PER2: variants seen among roughly 807,000 people sequenced by gnomAD.
The protein encoded by PER2 is period circadian protein homolog 2.
A neutral mutation model predicts 121.0 loss-of-function variants in PER2; 66 were observed. That is an observed-to-expected ratio of 0.55 (90% CI 0.45 to 0.67). PER2 has a LOEUF of 0.67. Ranked by LOEUF, PER2 falls within the 30% of genes least tolerant of loss-of-function variation. The pLI is 0.00. For synonymous variants in PER2, 684 were observed against 659.9 expected (o/e 1.04, Z -0.56); for missense variants, 1,521 against 1,635.0 (o/e 0.93, Z 1.20).
the PER2 span, among the ~76,000 whole-genome samples, chr2:238,297,167 A>G: frequency 2.0e-5 from 3 of 152,134 alleles, no homozygotes; most frequent in African/African-American, 7.2e-5. Flanking sequence ...CACCCCGCAC[A>G]TCCACCCCCC....
At chr2:238,293,604 A>T (rs1335152776), upstream of PER2, among the ~76,000 whole-genome samples, 1 of 151,942 alleles carries the variant, frequency 6.6e-6, no homozygotes, top group Non-Finnish European at 1.5e-5. Context: ...GCGTGGTGGC[A>T]CATGTCTATA....
chr2:238,285,994 G>A (rs1696771576), intron 1 of PER2, among the ~76,000 whole-genome samples: 1 of 152,156 alleles, frequency 6.6e-6, no homozygotes, highest in Non-Finnish European at 1.5e-5. Flanking sequence ...GGGTAACTGA[G>A]GAAAATGTGA....
In PER2 at chr2:238,246,436, G is replaced by A. The variant is rs73088906; in HGVS notation, c.3707C>T (p.Ser1236Leu). The A allele has an allele frequency of 2.5e-4, 407 of 1,611,432 alleles. 2 individuals carry two copies. In the African/African-American group the frequency reaches 4.9e-3, roughly 19 times the overall value. The change falls in exon 23 of 23, where the codon TCG (serine) becomes TTG (leucine). Residue 1236 changes from serine to leucine, a missense_variant. Transcript: ENST00000254657. ...TCCATTTTCGTCTTCTTTGGTGTCC[G>A]ACACTTCGCTGAGTCCCAGAGAAGG... ...DIPSLGLSEVSDTKEDENGSP... is the reference protein window; with the variant it reads ...DIPSLGLSEVLDTKEDENGSP...
At chr2:238,260,732 CCCT>C (rs1695900221) in intron 13 of PER2, 93 bp downstream of exon 13, 2 of 1,367,888 alleles carry the variant, frequency 1.5e-6, no homozygotes, top group Admixed American at 1.7e-5. Context: ...ATCAGGAAGC[CCCT>C]CCTAACTGCC....
intron 4 of PER2, 133 bp downstream of exon 4, chr2:238,275,610 G>A (rs1696427642): frequency 4.1e-6 from 4 of 972,038 alleles, no homozygotes; most frequent in Non-Finnish European, 4.9e-6. Context: ...AATCGCTTAA[G>A]CCCAGAAGTC....
intron 16 of PER2, 39 bp downstream of exon 16, chr2:238,258,237 A>G: frequency 6.2e-7 from 1 of 1,611,146 alleles, no homozygotes; most frequent in Non-Finnish European, 8.5e-7. Flanking sequence ...GAGGATTTAC[A>G]TTATTTCACA....
chr2:238,250,852 T>C (rs767987120), intron 20 of PER2, 109 bp from the exon 21 acceptor site: 2 of 758,944 alleles, frequency 2.6e-6, no homozygotes, highest in East Asian at 2.6e-5. Flanking sequence ...AGTGCCTTCT[T>C]AGGTATTGGG....
chr2:238,260,339 C>T (rs958956903), intron 13 of PER2, among the ~76,000 whole-genome samples: 4 of 151,972 alleles, frequency 2.6e-5, no homozygotes, highest in Admixed American at 2.0e-4. Context: ...TCTCTGCAAC[C>T]TCTGCCTCCC....
In PER2 at chr2:238,244,275, GTT is replaced by G. The variant is rs1475884629; in HGVS notation, c.*2098_*2099del. The G allele has an allele frequency of 6.6e-6, 1 of 152,544 alleles. No individual in the cohort carries two copies. The highest frequency in any genetic ancestry group is 1.5e-5 in the Non-Finnish European group (1 of 68,020). The allele number at this position is 152,544 out of a possible 1,614,324, so 9.4% of individuals were successfully genotyped here. On this transcript the variant is annotated 3_prime_UTR_variant, in exon 23 of 23. Transcript: ENST00000254657. ...GCTCAGTTTAAAATAGAGAAAAACT[GTT>G]TAACACCTGTGTAAGCACACACACT...
chr2:238,256,992 C>T lies in PER2; in HGVS notation c.1995G>A (p.Ser665=), dbSNP rs2304671. 90,987 of 1,613,494 alleles carry T rather than the reference C, an allele frequency of 0.056. 3,098 individuals are homozygous for T. Among genetic ancestry groups the T allele is most frequent in the South Asian group, 0.11 (10,357 of 91,056 alleles). Residue 665 remains serine (S), a synonymous_variant, in exon 17 of 23, where the codon TCG becomes TCA. Coordinates refer to ENST00000254657, the MANE Select transcript of PER2 (RefSeq NM_022817.3). The part of the protein sequence containing the change: ...ALPGKAESVA[S]LTSQCSYSST... ...TGCTGTAGCTGCACTGGCTGGTGAG[C>T]GACGCCACACTCTCTGCCTTGCCCG...
intron 11 of PER2, 51 bp downstream of exon 11, chr2:238,262,140 G>A (rs745850241): frequency 8.9e-6 from 14 of 1,575,434 alleles, no homozygotes; most frequent in Middle Eastern, 2.2e-4. Flanking sequence ...AGGACAGCCC[G>A]AGACCCCCGC....
At position 238,253,482 on chromosome 2, in the gene PER2, G is replaced by C. The variant is rs199663909; in HGVS notation, c.2541C>G (p.Pro847=). ...SQSSCPAVPF[P]APVPAAYSLP... is the part of the protein sequence containing the mutation. Reference sequence around the variant, plus strand: ...GTGAATAAGCTGCTGGCACTGGGGCGGGAAAGGGCACGGCTGGGCAGCTGG... The same window carrying C: ...GTGAATAAGCTGCTGGCACTGGGGCCGGAAAGGGCACGGCTGGGCAGCTGG... Residue 847 remains proline, a synonymous_variant, in exon 19 of 23, where the codon CCC becomes CCG. Coordinates refer to ENST00000254657, the MANE Select transcript of PER2 (RefSeq NM_022817.3). This position sits in a 1 kb window ranked among gnomAD's most constrained non-coding sequence, Gnocchi z 5.6. The C allele has an allele frequency of 3.1e-5, 50 of 1,612,808 alleles. No homozygotes were observed. Among genetic ancestry groups the C allele is most frequent in the Non-Finnish European group, 4.2e-5 (50 of 1,179,554 alleles).
At position 238,245,056 on chromosome 2, in the gene PER2, A is replaced by AAAAG. The variant is rs1695409736; in HGVS notation, c.*1318_*1319insCTTT. The AAAAG allele has an allele frequency of 6.7e-6, 1 of 150,326 alleles. No individual in the cohort carries two copies. Among genetic ancestry groups the AAAAG allele is most frequent in the Non-Finnish European group, 1.5e-5 (1 of 67,638 alleles). The allele number at this position is 150,326 out of a possible 1,614,324, so 9.3% of individuals were successfully genotyped here. ...GAAACTCCATCTAAAAAAAAAAAAAAAAAAAAAAAAAAAAGAAAACCCTGG... is the reference window on the plus strand; with the variant it reads ...GAAACTCCATCTAAAAAAAAAAAAAAAAAGAAAAAAAAAAAAAAGAAAACCCTGG... On this transcript the variant is annotated 3_prime_UTR_variant, in exon 23 of 23. Coordinates refer to ENST00000254657, the MANE Select transcript of PER2 (RefSeq NM_022817.3).
chr2:238,253,147 G>A lies in PER2; in HGVS notation c.2876C>T (p.Pro959Leu), dbSNP rs1294676384. The part of the protein sequence containing the change: ...FPSRTSIPRQ[P>L]CACPATRATP... ...GGCCCGGGTGGCTGGACAAGCACAT[G>A]GCTGTCTGGGGATCGAGGTCCGGCT... The change falls in exon 19 of 23, where the codon CCA (proline) becomes CTA (leucine). Residue 959 changes from proline to leucine, a missense_variant. By Grantham distance (98) the Pro-to-Leu change is moderately conservative. Transcript: ENST00000254657. This position sits in a 1 kb window ranked among gnomAD's most constrained non-coding sequence, Gnocchi z 5.6. 2 of 1,600,114 alleles carry A rather than the reference G, an allele frequency of 1.2e-6. No homozygotes were observed. The highest frequency in any genetic ancestry group is 1.7e-6 in the Non-Finnish European group (2 of 1,170,064).
At chr2:238,280,977 T>A (rs1696611888) in intron 1 of PER2, among the ~76,000 whole-genome samples, 1 of 151,566 alleles carries the variant, frequency 6.6e-6, no homozygotes, top group African/African-American at 2.4e-5. Flanking sequence ...TCTTCAGCAA[T>A]ATTACATTTC....
chr2:238,257,654 A>T (rs1295091761), intron 16 of PER2, among the ~76,000 whole-genome samples: 1 of 152,140 alleles, frequency 6.6e-6, no homozygotes, highest in African/African-American at 2.4e-5. Context: ...TTGTATTTTT[A>T]GTAGAGATGG....
intron 1 of PER2, among the ~76,000 whole-genome samples, chr2:238,281,570 A>T (rs778062630): frequency 1.1e-4 from 16 of 152,266 alleles, no homozygotes; most frequent in Non-Finnish European, 1.6e-4. Flanking sequence ...GAACAGAGAG[A>T]CTAAGCAAGA....
intron 1 of PER2, among the ~76,000 whole-genome samples, chr2:238,280,317 C>T (rs562553442): frequency 6.6e-6 from 1 of 152,194 alleles, no homozygotes; most frequent in East Asian, 1.9e-4. Flanking sequence ...GAGAATCCAC[C>T]CACATCAGTG....
At chr2:238,274,948 CCA>C (rs1362115736) in intron 4 of PER2, among the ~76,000 whole-genome samples, 1 of 152,038 alleles carries the variant, frequency 6.6e-6, no homozygotes, top group Non-Finnish European at 1.5e-5. Flanking sequence ...TCAAGGGACC[CCA>C]GAGATGAGTG....
Sources: allele counts gnomAD v4.1 joint callset (sites outside exome capture counted in the v4.1 genomes callset), GRCh38; gene constraint gnomAD v4.1.1; non-coding constraint Gnocchi (gnomAD v3.1); transcripts MANE v1.5; gene names NCBI Gene and HGNC (gene_info 2026-07-23, HGNC 2026-07-21).